Variants in UNC13B observed in about 807,000 individuals in gnomAD.
UNC13B encodes protein unc-13 homolog B.
UNC13B carries 144 observed loss-of-function variants against 211.0 expected under a neutral mutation model. The ratio of observed to expected loss-of-function variants is 0.68; its 90% CI spans 0.60 to 0.78. UNC13B has a LOEUF of 0.78. Among genes scored for constraint, UNC13B ranks in the 30% least tolerant of loss-of-function variants. The probability of loss-of-function intolerance (pLI) is 0.00; values close to 1 mark genes in which losing one functional copy is unlikely to be tolerated. For synonymous variants in UNC13B, 709 were observed against 725.8 expected (o/e 0.98, Z 0.37); for missense variants, 1,777 against 2,002.0 (o/e 0.89, Z 2.14).
chr9:35,214,476 C>G (rs538804012), intron 1 of UNC13B, among the ~76,000 whole-genome samples: 26 of 151,972 alleles, frequency 1.7e-4, no homozygotes, highest in Middle Eastern at 3.4e-3. Context: ...ACAAAAGAAA[C>G]TAGGTATATT....
Position 35,282,622 on chromosome 9 carries a change from A to T in UNC13B, c.527-13074A>T, listed in dbSNP as rs1828565062. On this transcript the variant is annotated intron_variant, in intron 7 of 39. Transcript: ENST00000635942. ...AATTTTTTTTGTATTTTTAGTAGAG[A>T]TGGGATTTCACCATGTTGGCCAGGC... Among the ~76,000 whole-genome samples, 3 of 151,966 alleles carry T rather than the reference A, an allele frequency of 2.0e-5. No homozygotes were observed. The South Asian group carries it at 6.2e-4, about 32-fold the overall frequency.
chr9:35,249,776 C>G (rs1430597661), intron 6 of UNC13B, among the ~76,000 whole-genome samples: 1 of 152,204 alleles, frequency 6.6e-6, no homozygotes, highest in Non-Finnish European at 1.5e-5. Flanking sequence ...TTCTCTCTGG[C>G]TGCCCTTAAC....
chr9:35,246,892 T>A (rs1364139476), intron 6 of UNC13B, among the ~76,000 whole-genome samples: 2 of 152,202 alleles, frequency 1.3e-5, no homozygotes, highest in Non-Finnish European at 2.9e-5. Context: ...GTGAAGAAAG[T>A]CATTGGTAGC....
At chr9:35,163,250 A>G (rs1225600842) in intron 1 of UNC13B, among the ~76,000 whole-genome samples, 1 of 152,234 alleles carries the variant, frequency 6.6e-6, no homozygotes, top group Non-Finnish European at 1.5e-5. Context: ...GCATTTATCA[A>G]CTAGAGCCTT....
At chr9:35,187,464 T>C (rs533992803) in intron 1 of UNC13B, among the ~76,000 whole-genome samples, 2 of 152,330 alleles carry the variant, frequency 1.3e-5, no homozygotes, top group South Asian at 4.1e-4. Context: ...GACTAGAATT[T>C]AGTGACAAAT....
rs1481467758 is a variant in UNC13B at position 35,403,902 on chromosome 9, G to C, written c.12892G>C (p.Gly4298Arg). Residue 4298 changes from glycine (G) to arginine (R), a missense_variant, in exon 40 of 40, where the codon GGC becomes CGC. Transcript: ENST00000635942. ...CAGCTGTGCCTGCTGGTGCCCCTTG[G>C]GCCGGAAGATCCATATGGATGAGAC... ...KGSCACWCPL[G>R]RKIHMDETGL... 5 of 1,614,054 alleles carry C rather than the reference G, an allele frequency of 3.1e-6. No homozygotes were observed. The highest frequency in any genetic ancestry group is 3.4e-6 in the Non-Finnish European group (4 of 1,180,048).
At chr9:35,388,825 C>T (rs909569530) in intron 24 of UNC13B, among the ~76,000 whole-genome samples, 12 of 152,146 alleles carry the variant, frequency 7.9e-5, no homozygotes, top group Non-Finnish European at 1.6e-4. Flanking sequence ...AGGAGTAACA[C>T]ATTGAGATTT....
At chr9:35,297,599 G>T (rs1174585843) in intron 8 of UNC13B, among the ~76,000 whole-genome samples, 2 of 134,140 alleles carry the variant, frequency 1.5e-5, no homozygotes, top group Non-Finnish European at 1.6e-5. Flanking sequence ...GCCCAGGCCG[G>T]ACTGCAGTGG....
chr9:35,337,985 C>T (rs1022559482), intron 11 of UNC13B, among the ~76,000 whole-genome samples: 38 of 152,060 alleles, frequency 2.5e-4, no homozygotes, highest in Non-Finnish European at 5.1e-4. Flanking sequence ...TCTTTGTTTC[C>T]TTTGGGTATA....
At chr9:35,231,003 A>AT (rs1414779233) in intron 2 of UNC13B, 117 bp from the exon 3 acceptor site, 38 of 662,792 alleles carry the variant, frequency 5.7e-5, no homozygotes, top group Non-Finnish European at 2.0e-5. Context: ...ATATAGCTTA[A>AT]TTTTTTCCTG....
rs1825613403 is a variant in UNC13B, at chr9:35,238,089, G to C, written c.394+263G>C. Among the ~76,000 whole-genome samples the C allele has an allele frequency of 7.9e-5, 12 of 152,170 alleles. No homozygotes were observed. In the South Asian group the frequency reaches 2.5e-3, roughly 32 times the overall value. On this transcript the variant is annotated intron_variant, in intron 5 of 39. Transcript: ENST00000635942. ...GTGACTATTTATTATAATGACTTAT[G>C]AAATATTTGCTTGTTAGATTTATTA...
intron 6 of UNC13B, among the ~76,000 whole-genome samples, chr9:35,251,442 C>G (rs1398151492): frequency 2.0e-5 from 3 of 152,040 alleles, no homozygotes; most frequent in Non-Finnish European, 4.4e-5. Context: ...CAAAAATTAG[C>G]TTGGCGTGGT....
At chr9:35,297,600 A>G (rs1327258858) in intron 8 of UNC13B, among the ~76,000 whole-genome samples, 1 of 121,640 alleles carries the variant, frequency 8.2e-6, no homozygotes, top group Non-Finnish European at 1.6e-5. Flanking sequence ...CCCAGGCCGG[A>G]CTGCAGTGGC....
At chr9:35,298,293 G>A (rs1246952088) in intron 8 of UNC13B, among the ~76,000 whole-genome samples, 1 of 152,186 alleles carries the variant, frequency 6.6e-6, no homozygotes, top group East Asian at 1.9e-4. Flanking sequence ...GGTGGCGCAT[G>A]CCTATGGTCC....
chr9:35,173,635 G>T (rs958419290), intron 1 of UNC13B, among the ~76,000 whole-genome samples: 4 of 151,972 alleles, frequency 2.6e-5, no homozygotes, highest in Non-Finnish European at 5.9e-5. Flanking sequence ...TGTTGCCCAG[G>T]CTGGTCTCAA....
chr9:35,268,452 T>A (rs1205931933), intron 7 of UNC13B, among the ~76,000 whole-genome samples: 1 of 152,126 alleles, frequency 6.6e-6, no homozygotes, highest in African/African-American at 2.4e-5. Context: ...ACCCCATCTA[T>A]ACTAAAAATA....
At chr9:35,369,272 C>T (rs1488981131) in intron 12 of UNC13B, among the ~76,000 whole-genome samples, 2 of 151,814 alleles carry the variant, frequency 1.3e-5, no homozygotes, top group Non-Finnish European at 2.9e-5. Context: ...GTATACAGCC[C>T]AGCTACCCAA....
At chr9:35,292,841 A>T (rs1016476137) in intron 7 of UNC13B, among the ~76,000 whole-genome samples, 1 of 152,242 alleles carries the variant, frequency 6.6e-6, no homozygotes, top group Non-Finnish European at 1.5e-5. Context: ...GGCTGAGCCA[A>T]CCAAACCTGC....
At position 35,377,565 on chromosome 9, in the gene UNC13B, G is replaced by GCCAGAGAT. The variant is rs775008100; in HGVS notation, c.9935_9942dup (p.Phe3315GlnfsTer13). 2 of 1,614,248 alleles carry GCCAGAGAT rather than the reference G, an allele frequency of 1.2e-6. No individual in the cohort carries two copies. On this transcript the variant is annotated frameshift_variant, in exon 16 of 40. Transcript: ENST00000635942. LOFTEE classifies it high-confidence loss of function. ...GCATGAAGATCCGAGAGCGAAATAA[G>GCCAGAGAT]CCAGAGATCTTTGAAGTTATCCGGG...
Sources: gnomAD v4.1 joint callset for allele counts (sites outside exome capture counted in the v4.1 genomes callset) on GRCh38, gnomAD v4.1.1 for gene constraint, MANE v1.5 for transcripts, NCBI Gene and HGNC (gene_info 2026-07-23, HGNC 2026-07-21) for gene names.